The following PNKP variants were observed in gnomAD, a reference collection of about 807,000 sequenced individuals.
The protein encoded by PNKP is polynucleotide kinase 3'-phosphatase, also known as bifunctional polynucleotide phosphatase/kinase.
PNKP carries 82 observed loss-of-function variants against 66.2 expected under a neutral mutation model. The ratio of observed to expected loss-of-function variants is 1.24; its 90% confidence interval spans 1.04 to 1.49. The LOEUF is 1.49. PNKP is among the 40% of genes most tolerant of loss of function. PNKP has a pLI of 0.00. For synonymous variants in PNKP, 412 were observed against 298.9 expected (o/e 1.38, Z -3.90); for missense variants, 907 against 706.8 (o/e 1.28, Z -3.21).
intron 4 of PNKP, 76 bp from the exon 5 acceptor site, chr19:49,864,479 C>A: frequency 9.1e-7 from 1 of 1,103,572 alleles, no homozygotes; most frequent in South Asian, 1.2e-5. Context: ...TGACTCACAC[C>A]AACCCTGCCA....
At position 49,862,745 on chromosome 19, in the gene PNKP, G is replaced by T; in HGVS notation, c.817-7C>A. On this transcript the variant is annotated splice_polypyrimidine_tract_variant and splice_region_variant and intron_variant, in intron 8 of 16. Transcript: ENST00000322344. ...TGGGCGTGCCGTCGTTGGCCTACGG[G>T]AGACGGTAGTGAGGAGGCCCTTCCC... 6.2e-7 allele frequency: 1 copy of T among 1,614,082 alleles called. No homozygotes were observed. Among genetic ancestry groups the T allele is most frequent in the South Asian group, 1.1e-5 (1 of 91,082 alleles).
Position 49,861,867 on chromosome 19 carries a change from G to T in PNKP, c.1203C>A (p.Ser401=). ...YVHVNRDTLG[S]WQRCVTTCET... ...CACACGTGGTCACACAGCGCTGCCA[G>T]GAGCCTAGCGTGTCCTGGGGACACG... Residue 401 remains serine, a synonymous_variant, in exon 14 of 17, where the codon TCC becomes TCA. Transcript: ENST00000322344. 1 of 1,590,924 alleles carries T rather than the reference G, an allele frequency of 6.3e-7. No individual in the cohort carries two copies.
intron 6 of PNKP, 23 bp from the exon 7 acceptor site, chr19:49,864,094 A>G: frequency 1.2e-6 from 2 of 1,612,304 alleles, no homozygotes; most frequent in South Asian, 2.2e-5. Context: ...GGGTGTCACC[A>G]GACGCTCTGC....
At chr19:49,861,945 G>A in intron 13 of PNKP, 64 bp from the exon 14 acceptor site, 1 of 1,573,266 alleles carries the variant, frequency 6.4e-7, no homozygotes, top group Non-Finnish European at 8.7e-7. Flanking sequence ...CCCGAGCGGG[G>A]ACGGGGAGGC....
Position 49,861,256 on chromosome 19 carries a change from C to T in PNKP, c.1558G>A (p.Glu520Lys), listed in dbSNP as rs770823063. The change falls in exon 17 of 17, where the codon GAG becomes AAG. Residue 520 changes from glutamate (E) to lysine (K), a missense_variant. Physicochemically the swap from Glu to Lys is moderately conservative, Grantham distance 56. Coordinates refer to ENST00000322344, the MANE Select transcript of PNKP (RefSeq NM_007254.4). Reference protein sequence around the residue: ...RLGRLYCQFSEG With the variant: ...RLGRLYCQFSKG ...GGGGAGCTGGGCGGGGCTCAGCCCT[C>T]GGAGAACTGGCAGTACAGCCGCCCC... 3 of 1,601,000 alleles carry T rather than the reference C, an allele frequency of 1.9e-6. No individual in the cohort carries two copies. Among genetic ancestry groups the T allele is most frequent in the Non-Finnish European group, 2.6e-6 (3 of 1,168,336 alleles).
chr19:49,866,362 C>T, intron 3 of PNKP, 37 bp downstream of exon 3: 2 of 1,596,610 alleles, frequency 1.3e-6, no homozygotes, highest in South Asian at 1.1e-5. Flanking sequence ...CAAATCCCAT[C>T]CCCAGGCCTT....
rs745849196 is a variant in PNKP, at chr19:49,862,592, C to G, written c.882G>C (p.Pro294=). ...SIFVGDAAGR[P]ANWAPGRKKK... is the part of the protein sequence containing the mutation. ...TCTTCCGCCCCGGGGCCCAGTTGGC[C>G]GGGCGTCCGGCTGCGTCTGGAACAC... The change falls in exon 10 of 17, where the codon CCG becomes CCC. Residue 294 remains proline (P), a synonymous_variant. Transcript: ENST00000322344. 2 of 1,613,404 alleles carry G rather than the reference C, an allele frequency of 1.2e-6. No individual in the cohort carries two copies. The highest frequency in any genetic ancestry group is 2.7e-5 in the African/African-American group (2 of 75,016).
Position 49,863,765 on chromosome 19 carries a change from G to A in PNKP, c.745-5C>T. The A allele has an allele frequency of 2.6e-6, 4 of 1,557,250 alleles. No homozygotes were observed. Among genetic ancestry groups the A allele is most frequent in the Non-Finnish European group, 1.7e-6 (2 of 1,149,698 alleles). On this transcript the variant is annotated splice_polypyrimidine_tract_variant and splice_region_variant and intron_variant, in intron 7 of 16. Coordinates refer to ENST00000322344, the MANE Select transcript of PNKP (RefSeq NM_007254.4). ...TGCGTGCGTGGCCACCAGCACCTGT[G>A]GATGGGAGGGGGCCACCAGCTTTAG...
chr19:49,864,550 C>T (rs1321023019), intron 4 of PNKP, 147 bp from the exon 5 acceptor site: 1 of 729,758 alleles, frequency 1.4e-6, no homozygotes, highest in Non-Finnish European at 2.5e-6. Flanking sequence ...GCACCTCCAT[C>T]TCAAGCATCC....
intron 3 of PNKP, 162 bp from the exon 4 acceptor site, chr19:49,865,588 G>A: frequency 1.9e-6 from 1 of 531,772 alleles, no homozygotes; most frequent in Non-Finnish European, 3.3e-6. Context: ...CAGGTTTTCA[G>A]CCTTGTCCGA....
rs201946232 is a variant in PNKP, at chr19:49,861,542, A to G, written c.1387-32T>C. On this transcript the variant is annotated intron_variant, in intron 15 of 16. Coordinates refer to ENST00000322344, the MANE Select transcript of PNKP (RefSeq NM_007254.4). ...GGAACATCAGAGGGGCGGCAGGCCC[A>G]GGGGTCAGGGGAGGAGGGGGGTCAG... The G allele has an allele frequency of 4.4e-6, 3 of 682,766 alleles. No homozygotes were observed. In the South Asian group the frequency reaches 6.4e-5, roughly 15 times the overall value. 42.3% of individuals were successfully genotyped at this position (682,766 alleles called of 1,614,324 possible).
chr19:49,865,439 A>T lies in PNKP; in HGVS notation c.199-13T>A. The T allele has an allele frequency of 6.3e-7, 1 of 1,585,962 alleles. No homozygotes were observed. The highest frequency in any genetic ancestry group is 8.6e-7 in the Non-Finnish European group (1 of 1,164,812). On this transcript the variant is annotated splice_polypyrimidine_tract_variant and intron_variant, in intron 3 of 16. Transcript: ENST00000322344. ...GGTTAACTCCCAGCTGCAGAAAGAG[A>T]GGGAGGAGCTGGGACTGGCTCCGCC...
rs998437018 is a variant in PNKP, at chr19:49,863,715, C to T, written c.790G>A (p.Gly264Ser). The part of the protein sequence containing the change: ...HAGLYRKPVT[G>S]MWDHLQEQAN... ...TGCTCCTGCAGATGGTCCCACATGC[C>T]CGTCACCGGCTTCCGGTACAAGCCT... Residue 264 changes from glycine (G) to serine (S), a missense_variant, in exon 8 of 17, where the codon GGC becomes AGC. Gly to Ser is a moderately conservative substitution (Grantham distance 56, BLOSUM62 0). Coordinates refer to ENST00000322344, the MANE Select transcript of PNKP (RefSeq NM_007254.4). 6 of 1,557,388 alleles carry T rather than the reference C, an allele frequency of 3.9e-6. No individual in the cohort carries two copies. Among genetic ancestry groups the T allele is most frequent in the African/African-American group, 2.7e-5 (2 of 73,554 alleles).
rs1264212147 is a variant in PNKP, at chr19:49,861,455, C to T, written c.1442G>A (p.Gly481Asp). The stretch of plus-strand genomic sequence containing the variant: ...CTGCTATCCCCAACAGTACCTGTAG[C>T]CATACATGACCATGTCTGACACGGG... ...HIPVSDMVMY[G>D]YRKQFEAPTL... Residue 481 changes from glycine to aspartate, a missense_variant, in exon 16 of 17, where the codon GGC becomes GAC. By Grantham distance (94) the Gly-to-Asp change is moderately conservative (BLOSUM62 -1). Coordinates refer to ENST00000322344, the MANE Select transcript of PNKP (RefSeq NM_007254.4). 1.2e-6 allele frequency: 2 copies of T among 1,614,044 alleles called. No homozygotes were observed. The highest frequency in any genetic ancestry group is 1.3e-5 in the African/African-American group (1 of 75,024).
intron 13 of PNKP, 42 bp from the exon 14 acceptor site, chr19:49,861,923 G>A: frequency 6.3e-7 from 1 of 1,580,536 alleles, no homozygotes; most frequent in Non-Finnish European, 8.6e-7. Flanking sequence ...CAGACCCAGG[G>A]GGAGAGAAGA....
At position 49,861,668 on chromosome 19, in the gene PNKP, G is replaced by GTC; in HGVS notation, c.1325_1326insGA (p.Val443ThrfsTer25). On this transcript the variant is annotated frameshift_variant, in exon 15 of 17. Transcript: ENST00000322344. LOFTEE classifies it high-confidence loss of function. ...TGAAGAGGAAGCAGCGGCAGGGGAC[G>GTC]CCCGCGGCTCGGGCACACTGGACGT... is the stretch of plus-strand genomic sequence containing the variant. 1 of 1,548,408 alleles carries GTC rather than the reference G, an allele frequency of 6.5e-7. No homozygotes were observed. The highest frequency in any genetic ancestry group is 8.7e-7 in the Non-Finnish European group (1 of 1,146,510).
chr19:49,861,849 G>A lies in PNKP; in HGVS notation c.1221C>T (p.Thr407=). 2.5e-6 allele frequency: 4 copies of A among 1,594,344 alleles called. No homozygotes were observed. The highest frequency in any genetic ancestry group is 3.4e-6 in the Non-Finnish European group (4 of 1,173,122). The change falls in exon 14 of 17, where the codon ACC becomes ACT. Residue 407 remains threonine, a synonymous_variant. Coordinates refer to ENST00000322344, the MANE Select transcript of PNKP (RefSeq NM_007254.4). The part of the protein sequence containing the change: ...DTLGSWQRCV[T]TCETALKQGK... ...CTTGCTTCAGGGCTGTCTCACACGT[G>A]GTCACACAGCGCTGCCAGGAGCCTA...
chr19:49,861,803 T>C lies in PNKP; in HGVS notation c.1267A>G (p.Asn423Asp), dbSNP rs750802489. Reference protein sequence around the residue: ...LKQGKRVAIDNTNPDAASRAR... With the variant: ...LKQGKRVAIDDTNPDAASRAR... ...CGGCTCGCGGCGTCTGGGTTTGTGTTGTCGATGGCGACCCGTTTCCCTTGC... is the reference window on the plus strand; with the variant it reads ...CGGCTCGCGGCGTCTGGGTTTGTGTCGTCGATGGCGACCCGTTTCCCTTGC... Residue 423 changes from asparagine to aspartate, a missense_variant, in exon 14 of 17, where the codon AAC (asparagine) becomes GAC (aspartate). By Grantham distance (23) the Asn-to-Asp change is conservative (BLOSUM62 1). Coordinates refer to ENST00000322344, the MANE Select transcript of PNKP (RefSeq NM_007254.4). 1.3e-6 allele frequency: 2 copies of C among 1,577,028 alleles called. No homozygotes were observed. The highest frequency in any genetic ancestry group is 2.4e-5 in the East Asian group (1 of 42,114).
At chr19:49,866,743 G>C in intron 2 of PNKP, 1 of 592,184 alleles carries the variant, frequency 1.7e-6, no homozygotes, top group South Asian at 2.0e-5. Context: ...CCAACCTAGC[G>C]ACATTTACTT....
Sources: allele counts gnomAD v4.1 joint callset, GRCh38; gene constraint gnomAD v4.1.1; transcripts MANE v1.5; gene names NCBI Gene and HGNC (gene_info 2026-07-23, HGNC 2026-07-21).